Variants in CDNF observed in about 807,000 individuals in gnomAD.
CDNF encodes cerebral dopamine neurotrophic factor, also known as ARMET-like protein 1.
A neutral mutation model predicts 14.8 loss-of-function variants in CDNF; 9 were observed. The ratio of observed to expected loss-of-function variants is 0.61; its 90% CI spans 0.37 to 1.06. CDNF has a LOEUF of 1.06. Ranked by LOEUF, CDNF falls within the 50% of genes least tolerant of loss-of-function variation. The pLI is 0.01. For synonymous variants in CDNF, 86 were observed against 87.2 expected (o/e 0.99, Z 0.07); for missense variants, 228 against 228.4 (o/e 1.00, Z 0.01).
At chr10:14,831,715 A>C (rs1186589281) in intron 1 of CDNF, among the ~76,000 whole-genome samples, 2 of 151,946 alleles carry the variant, frequency 1.3e-5, no homozygotes, top group East Asian at 1.9e-4. Flanking sequence ...GCTGGGACTA[A>C]TGGCGTGTGC....
intron 1 of CDNF, among the ~76,000 whole-genome samples, chr10:14,830,436 T>C (rs771405750): frequency 1.3e-5 from 2 of 152,214 alleles, no homozygotes; most frequent in Non-Finnish European, 2.9e-5. Context: ...CTCTCACTTA[T>C]GTGCCCTTCT....
chr10:14,827,005 C>T (rs1320646853), intron 2 of CDNF, among the ~76,000 whole-genome samples: 1 of 127,136 alleles, frequency 7.9e-6, no homozygotes, highest in Non-Finnish European at 1.5e-5. Flanking sequence ...CACTTGAGCT[C>T]AGGAGTTCGA....
At chr10:14,836,742 G>A (rs1002883171) in intron 1 of CDNF, among the ~76,000 whole-genome samples, 3 of 152,166 alleles carry the variant, frequency 2.0e-5, no homozygotes, top group Non-Finnish European at 2.9e-5. Flanking sequence ...GACCAGTCTG[G>A]CCAACATGGT....
intron 2 of CDNF, among the ~76,000 whole-genome samples, chr10:14,826,535 AGAAG>A (rs1211332894): frequency 6.6e-6 from 1 of 152,218 alleles, no homozygotes; most frequent in Admixed American, 6.5e-5. Flanking sequence ...AAGCAGAAGA[AGAAG>A]AAAGAAGAAG....
chr10:14,837,740 A>G, intron 1 of CDNF, 92 bp downstream of exon 1: 1 of 702,664 alleles, frequency 1.4e-6, no homozygotes, highest in Non-Finnish European at 2.3e-6. Context: ...GCGGAATGTT[A>G]TTTATAGCCA....
At chr10:14,821,723 A>G (rs754436947) in intron 3 of CDNF, among the ~76,000 whole-genome samples, 9 of 152,202 alleles carry the variant, frequency 5.9e-5, no homozygotes, top group Non-Finnish European at 7.4e-5. Context: ...TAGTGCCACA[A>G]TGTTTACTAC....
At chr10:14,831,507 C>T (rs1330395938) in intron 1 of CDNF, among the ~76,000 whole-genome samples, 1 of 147,704 alleles carries the variant, frequency 6.8e-6, no homozygotes, top group Non-Finnish European at 1.5e-5. Context: ...ACTGTATATA[C>T]ATATATATAA....
At position 14,825,632 on chromosome 10, in the gene CDNF, T is replaced by G; in HGVS notation, c.244-12A>C. 6.2e-7 allele frequency: 1 copy of G among 1,612,004 alleles called. No individual in the cohort carries two copies. The highest frequency in any genetic ancestry group is 1.7e-5 in the Admixed American group (1 of 59,668). ...CCTAGATAATAGCACTGAAGGAAAA[T>G]GAAGAGAATTGAGTGTTCCAGACAA... On this transcript the variant is annotated splice_polypyrimidine_tract_variant and intron_variant, in intron 2 of 3. Coordinates refer to ENST00000465530, the MANE Select transcript of CDNF (RefSeq NM_001029954.3).
chr10:14,823,841 T>C (rs1833757933), intron 3 of CDNF, among the ~76,000 whole-genome samples: 1 of 152,228 alleles, frequency 6.6e-6, no homozygotes, highest in Admixed American at 6.5e-5. Flanking sequence ...TTGTGAATAT[T>C]GTTTATATGG....
intron 3 of CDNF, among the ~76,000 whole-genome samples, chr10:14,824,878 A>T (rs1352441255): frequency 6.6e-6 from 1 of 152,040 alleles, no homozygotes; most frequent in Non-Finnish European, 1.5e-5. Flanking sequence ...TGCTCTCTCT[A>T]TATGTTGAGA....
intron 2 of CDNF, among the ~76,000 whole-genome samples, chr10:14,826,170 A>AAGCAGC (rs1313211954): frequency 1.4e-5 from 2 of 147,280 alleles, no homozygotes; most frequent in South Asian, 2.1e-4. Context: ...GAAGAAGCAG[A>AAGCAGC]AGCAGCAGCA....
At chr10:14,828,611 C>T (rs949276983) in intron 1 of CDNF, among the ~76,000 whole-genome samples, 1 of 152,006 alleles carries the variant, frequency 6.6e-6, no homozygotes, top group African/African-American at 2.4e-5. Context: ...CTTACCACTG[C>T]ACTCCAGCCT....
intron 1 of CDNF, among the ~76,000 whole-genome samples, chr10:14,833,060 A>T (rs1833859675): frequency 6.6e-6 from 1 of 151,322 alleles, no homozygotes; most frequent in South Asian, 2.1e-4. Context: ...GGGTTTCGTT[A>T]TGTTTGCCAG....
At chr10:14,833,693 C>T (rs1272420580) in intron 1 of CDNF, among the ~76,000 whole-genome samples, 2 of 151,756 alleles carry the variant, frequency 1.3e-5, no homozygotes, top group African/African-American at 4.8e-5. Flanking sequence ...ATCTGGAAGC[C>T]ATCAACATTC....
intron 3 of CDNF, among the ~76,000 whole-genome samples, chr10:14,822,748 A>G (rs1298307582): frequency 6.6e-6 from 1 of 152,336 alleles, no homozygotes; most frequent in East Asian, 1.9e-4. Context: ...CACAACATTT[A>G]AAAACATTAA....
intron 3 of CDNF, among the ~76,000 whole-genome samples, chr10:14,822,294 T>C (rs1833744087): frequency 6.6e-6 from 1 of 151,942 alleles, no homozygotes. Context: ...TATCAAGAAC[T>C]CAGCTACTTC....
chr10:14,826,055 G>T (rs534487500), intron 2 of CDNF, among the ~76,000 whole-genome samples: 2 of 133,062 alleles, frequency 1.5e-5, no homozygotes, highest in African/African-American at 6.2e-5. Context: ...AGAAGAAGAA[G>T]AAGAAGAAGA....
At position 14,828,187 on chromosome 10, in the gene CDNF, C is replaced by T. The variant is rs1475175243; in HGVS notation, c.201G>A (p.Leu67=). 3.7e-6 allele frequency: 6 copies of T among 1,613,822 alleles called. No individual in the cohort carries two copies. In the East Asian group the frequency reaches 1.3e-4, roughly 36 times the overall value. The part of the protein sequence containing the change: ...NFSLDTIEKE[L]ISFCLDTKGK... ...CTTTGGTGTCCAAGCAAAAACTGAT[C>T]AATTCTTTCTCTATAGTGTCCAGCG... The change falls in exon 2 of 4, where the codon TTG becomes TTA. Residue 67 remains leucine, a synonymous_variant. Coordinates refer to ENST00000465530, the MANE Select transcript of CDNF (RefSeq NM_001029954.3).
chr10:14,826,225 A>AGC (rs773729573), intron 2 of CDNF, among the ~76,000 whole-genome samples: 59 of 150,430 alleles, frequency 3.9e-4, no homozygotes, highest in Non-Finnish European at 6.6e-4. Context: ...AAGAAGCAGA[A>AGC]GCAGAAGCAG....
Sources: allele counts gnomAD v4.1 joint callset (sites outside exome capture counted in the v4.1 genomes callset), GRCh38; gene constraint gnomAD v4.1.1; transcripts MANE v1.5; gene names NCBI Gene and HGNC (gene_info 2026-07-23, HGNC 2026-07-21).